Variants in SUN1 observed in about 807,000 individuals in gnomAD.
SUN1 encodes SUN domain-containing protein 1.
SUN1 carries 61 observed loss-of-function variants against 103.2 expected under a neutral mutation model. The observed-to-expected ratio is 0.59, with a 90% CI of 0.48 to 0.73. SUN1 has a LOEUF of 0.73. SUN1 is among the 30% of genes least tolerant of loss of function. The pLI is 0.00. For missense variants in SUN1, 1,052 were observed against 1,034.6 expected (o/e 1.02, Z -0.23); for synonymous variants, 490 against 425.7 (o/e 1.15, Z -1.86).
intron 1 of SUN1, among the ~76,000 whole-genome samples, chr7:834,773 A>AC (rs1801344387): frequency 6.8e-6 from 1 of 147,236 alleles, no homozygotes; most frequent in Non-Finnish European, 1.5e-5. Flanking sequence ...TTCTTTAATT[A>AC]AATTTTTTTT....
chr7:830,083 G>A (rs1260676405), upstream of SUN1, among the ~76,000 whole-genome samples: 1 of 152,192 alleles, frequency 6.6e-6, no homozygotes, highest in Admixed American at 6.5e-5. Context: ...AAAATGATCC[G>A]TGTCGTGGTC....
Position 832,571 on chromosome 7 carries a change from C to G in SUN1, c.47C>G (p.Pro16Arg). ...ATGTACAGTCCTCCCCAGTGTGTGC[C>G]GGAGAACACGGGCTACACGTATGCG... ...LHMYSPPQCV[P>R]ENTGYTYALS... Residue 16 changes from proline (P) to arginine (R), a missense_variant, in exon 1 of 19, where the codon CCG becomes CGG. By Grantham distance (103) the Pro-to-Arg change is moderately radical (BLOSUM62 -2). Coordinates refer to ENST00000401592, the MANE Select transcript of SUN1 (RefSeq NM_001130965.3). 6 of 1,612,744 alleles carry G rather than the reference C, an allele frequency of 3.7e-6. No individual in the cohort carries two copies. The highest frequency in any genetic ancestry group is 5.1e-6 in the Non-Finnish European group (6 of 1,179,354).
intron 5 of SUN1, chr7:849,509 G>A (rs767720603): frequency 1.5e-5 from 20 of 1,363,228 alleles, no homozygotes; most frequent in Admixed American, 7.6e-5. Flanking sequence ...CCTCTTTTGC[G>A]TGTGTTGCAG....
At chr7:848,490 T>A (rs1818706740) in intron 5 of SUN1, 1 of 1,364,504 alleles carries the variant, frequency 7.3e-7, no homozygotes. Context: ...TCATCATTTT[T>A]AGTTCAACTT....
chr7:870,887 CTTTTTTTTTTTTTTT>C lies in SUN1; in HGVS notation c.2148+1377_2148+1391del, dbSNP rs59711259. Among the ~76,000 whole-genome samples the C allele has an allele frequency of 8.7e-3, 879 of 101,086 alleles. 4 individuals carry two copies. Among genetic ancestry groups the C allele is most frequent in the South Asian group, 0.035 (99 of 2,810 alleles). 66.3% of individuals were successfully genotyped at this position (101,086 alleles called of 152,430 possible). A position where few individuals can be genotyped will look rare whatever the true frequency, so the allele number is the denominator to read the frequency against. On this transcript the variant is annotated intron_variant, in intron 17 of 18. Transcript: ENST00000401592. ...CTAGCATTTTCTTTTTATTTTCTTT[CTTTTTTTTTTTTTTT>C]TTTTTGAGACGGAGTCTTGGTCTCG...
At chr7:830,293 C>G (rs556748264), upstream of SUN1, among the ~76,000 whole-genome samples, 7 of 152,308 alleles carry the variant, frequency 4.6e-5, no homozygotes, top group East Asian at 1.4e-3. Flanking sequence ...TGGCATGAGC[C>G]TGGGCTTCGG....
At position 841,912 on chromosome 7, in the gene SUN1, G is replaced by A. The variant is rs571168917; in HGVS notation, c.267-34G>A. 79 of 1,605,506 alleles carry A rather than the reference G, an allele frequency of 4.9e-5. 1 individual carries two copies. In the South Asian group the frequency reaches 8.3e-4, roughly 17 times the overall value. On this transcript the variant is annotated intron_variant, in intron 2 of 18. Coordinates refer to ENST00000401592, the MANE Select transcript of SUN1 (RefSeq NM_001130965.3). ...TAATCATTTTGTATTTGCTAGAAAAGATCTATAAACTTGCTGTTTTTTTTT... is the reference window on the plus strand; with the variant it reads ...TAATCATTTTGTATTTGCTAGAAAAAATCTATAAACTTGCTGTTTTTTTTT...
chr7:861,596 C>T, intron 15 of SUN1, 132 bp downstream of exon 15: 2 of 871,008 alleles, frequency 2.3e-6, no homozygotes. Context: ...AGAAAGGGAG[C>T]ATGATTCTGG....
At position 849,613 on chromosome 7, in the gene SUN1, G is replaced by A. The variant is rs772522694; in HGVS notation, c.659-1771G>A. On this transcript the variant is annotated intron_variant, in intron 5 of 18. Transcript: ENST00000401592. ...AATGGGGAAGCGCTGTGTAAGTATG[G>A]CTTCGTTTTCCTGTGGGCGTCGGTC... 39 of 1,488,864 alleles carry A rather than the reference G, an allele frequency of 2.6e-5. 1 individual carries two copies. The South Asian group carries it at 3.9e-4, about 15-fold the overall frequency. 92.2% of individuals were successfully genotyped at this position (1,488,864 alleles called of 1,614,324 possible). A position where few individuals can be genotyped will look rare whatever the true frequency, so the allele number is the denominator to read the frequency against.
chr7:817,314 C>A (rs188760487), intron 1 of SUN1: 9 of 1,064,576 alleles, frequency 8.5e-6, no homozygotes, highest in Non-Finnish European at 1.1e-5. Context: ...AGGTCGGACT[C>A]CTAGGCTCAA....
intron 16 of SUN1, among the ~76,000 whole-genome samples, chr7:867,563 G>A (rs1398021235): frequency 2.0e-5 from 3 of 152,222 alleles, no homozygotes; most frequent in African/African-American, 7.2e-5. Flanking sequence ...TAGAGACTGA[G>A]GGAGAGGGTG....
intron 1 of SUN1, among the ~76,000 whole-genome samples, chr7:834,962 G>A (rs1043390667): frequency 5.9e-5 from 9 of 152,328 alleles, no homozygotes; most frequent in African/African-American, 2.2e-4. Context: ...TGTAATCCCA[G>A]CTACTTGGTA....
intron 1 of SUN1, chr7:817,371 G>C (rs924107127): frequency 1.2e-5 from 19 of 1,524,862 alleles, no homozygotes; most frequent in Non-Finnish European, 1.7e-5. Context: ...CGTGGTCTCC[G>C]CGCCCTGTTG....
Position 872,589 on chromosome 7 carries a change from G to T in SUN1, c.2241+27G>T, listed in dbSNP as rs780450155. 32 of 1,544,056 alleles carry T rather than the reference G, an allele frequency of 2.1e-5. 1 individual carries two copies. Among genetic ancestry groups the T allele is most frequent in the Non-Finnish European group, 2.6e-6 (3 of 1,137,604 alleles). On this transcript the variant is annotated intron_variant, in intron 18 of 18. Transcript: ENST00000401592. Reference sequence around the variant, plus strand: ...TAAGAACTGGGACTGGCACTGCCTGGGGTCTCTGAGTCCCACAACTTCTCG... The same window carrying T: ...TAAGAACTGGGACTGGCACTGCCTGTGGTCTCTGAGTCCCACAACTTCTCG...
intron 9 of SUN1, 149 bp downstream of exon 9, chr7:853,101 T>C: frequency 9.4e-7 from 1 of 1,064,518 alleles, no homozygotes; most frequent in Non-Finnish European, 1.3e-6. Flanking sequence ...TGGAGCTCCT[T>C]AAGTGTTCTA....
Position 857,977 on chromosome 7 carries a change from A to T in SUN1, c.1524+20A>T. ...GAAAGAGTGAGCTTTCTGCATGTTT[A>T]CTTTTTGTTTTATAATAGAAAGTAA... is the stretch of plus-strand genomic sequence containing the variant. On this transcript the variant is annotated intron_variant, in intron 13 of 18. Transcript: ENST00000401592. The T allele has an allele frequency of 1.3e-6, 2 of 1,537,066 alleles. No individual in the cohort carries two copies. The highest frequency in any genetic ancestry group is 8.8e-7 in the Non-Finnish European group (1 of 1,136,000).
chr7:871,547 C>T (rs991183946), intron 17 of SUN1, among the ~76,000 whole-genome samples: 1 of 152,224 alleles, frequency 6.6e-6, no homozygotes, highest in Non-Finnish European at 1.5e-5. Context: ...GCCACCACAC[C>T]TGGCTAACTT....
upstream of SUN1, among the ~76,000 whole-genome samples, chr7:829,161 T>A (rs1795598438): frequency 6.6e-6 from 1 of 152,232 alleles, no homozygotes; most frequent in South Asian, 2.1e-4. Context: ...ACATGCTGGA[T>A]CCGTTTTTCA....
At chr7:832,786 T>C (rs1157554802) in intron 1 of SUN1, among the ~76,000 whole-genome samples, 185 bp downstream of exon 1, 1 of 152,236 alleles carries the variant, frequency 6.6e-6, no homozygotes, top group African/African-American at 2.4e-5. Context: ...TAAGGTAAAC[T>C]GAATCTGTTC....
Sources: gnomAD v4.1 joint callset for allele counts (sites outside exome capture counted in the v4.1 genomes callset) on GRCh38, gnomAD v4.1.1 for gene constraint, MANE v1.5 for transcripts, NCBI Gene and HGNC (gene_info 2026-07-23, HGNC 2026-07-21) for gene names.